DPYD: variants seen among roughly 807,000 people sequenced by gnomAD.
The protein encoded by DPYD is dihydropyrimidine dehydrogenase.
DPYD carries 109 observed loss-of-function variants against 116.2 expected under a neutral mutation model. The observed-to-expected ratio is 0.94, with a 90% CI of 0.80 to 1.10. The LOEUF (loss-of-function observed/expected upper bound fraction) is 1.10, where lower values mean the gene tolerates loss of function less well. Ranked by LOEUF, DPYD falls within the 50% of genes least tolerant of loss-of-function variation. The pLI is 0.00. For missense variants in DPYD, 1,302 were observed against 1,254.5 expected (o/e 1.04, Z -0.57); for synonymous variants, 440 against 432.0 (o/e 1.02, Z -0.23).
intron 14 of DPYD, among the ~76,000 whole-genome samples, chr1:97,391,028 A>G (rs1169268083): frequency 1.4e-5 from 2 of 147,686 alleles, no homozygotes; most frequent in African/African-American, 2.5e-5. Flanking sequence ...TGAGCTTTGG[A>G]GATACCACTT....
chr1:97,396,171 T>A (rs964019465), intron 14 of DPYD, among the ~76,000 whole-genome samples: 1 of 152,028 alleles, frequency 6.6e-6, no homozygotes, highest in Non-Finnish European at 1.5e-5. Flanking sequence ...GAATTTCACA[T>A]GACTTATCTC....
intron 21 of DPYD, among the ~76,000 whole-genome samples, chr1:97,084,862 T>A (rs1649404925): frequency 6.6e-6 from 1 of 152,226 alleles, no homozygotes. Flanking sequence ...GTATCTCATG[T>A]GGTGTATCCT....
At chr1:97,696,983 C>A (rs1661343531) in intron 6 of DPYD, among the ~76,000 whole-genome samples, 1 of 152,012 alleles carries the variant, frequency 6.6e-6, no homozygotes, top group South Asian at 2.1e-4. Context: ...ACTATCCTAA[C>A]AATAACATCA....
intron 8 of DPYD, among the ~76,000 whole-genome samples, chr1:97,605,974 T>C (rs921643605): frequency 3.3e-5 from 5 of 152,114 alleles, no homozygotes; most frequent in African/African-American, 2.4e-5. Context: ...TCAGTCCCAA[T>C]TGAAATTTCC....
chr1:97,525,821 G>A (rs552235043), intron 12 of DPYD, among the ~76,000 whole-genome samples: 3 of 146,254 alleles, frequency 2.1e-5, no homozygotes, highest in East Asian at 4.2e-4. Flanking sequence ...GTCTCTCCAA[G>A]AGCATCTAGT....
intron 14 of DPYD, among the ~76,000 whole-genome samples, chr1:97,432,676 T>A (rs7517433): frequency 6.6e-6 from 1 of 151,798 alleles, no homozygotes; most frequent in Non-Finnish European, 1.5e-5. Context: ...GAGTGCCAGA[T>A]GGTTTCTGTA....
intron 16 of DPYD, among the ~76,000 whole-genome samples, chr1:97,351,034 C>A (rs1448094799): frequency 6.6e-6 from 1 of 152,230 alleles, no homozygotes; most frequent in East Asian, 1.9e-4. Context: ...AACTTTGTAT[C>A]TCCTATTCAG....
At chr1:97,322,556 C>T (rs1422408087) in intron 16 of DPYD, among the ~76,000 whole-genome samples, 2 of 151,942 alleles carry the variant, frequency 1.3e-5, no homozygotes, top group Non-Finnish European at 2.9e-5. Flanking sequence ...AAATGAAATT[C>T]ATGGATACTG....
At chr1:97,600,126 T>C (rs1264712634) in intron 8 of DPYD, among the ~76,000 whole-genome samples, 1 of 152,106 alleles carries the variant, frequency 6.6e-6, no homozygotes, top group African/African-American at 2.4e-5. Flanking sequence ...TCTTATTATT[T>C]CACACAGGTG....
At chr1:97,162,620 GA>G (rs555153398) in intron 20 of DPYD, among the ~76,000 whole-genome samples, 4,248 of 151,792 alleles carry the variant, frequency 0.028, 154 homozygotes, top group African/African-American at 0.09. Flanking sequence ...CACAGAATTG[GA>G]AAAAACTACT....
At position 97,721,675 on chromosome 1, in the gene DPYD, C is replaced by A; in HGVS notation, c.322-4G>T. 1.2e-6 allele frequency: 2 copies of A among 1,610,210 alleles called. No homozygotes were observed. Among genetic ancestry groups the A allele is most frequent in the African/African-American group, 1.3e-5 (1 of 74,770 alleles). ...TCTTAGCAGCTCCATAATAGTTCTG[C>A]AAAATTAATACAAAATAAAATTTTA... On this transcript the variant is annotated splice_polypyrimidine_tract_variant and splice_region_variant and intron_variant, in intron 4 of 22. Transcript: ENST00000370192.
chr1:97,319,186 G>A lies in DPYD; in HGVS notation c.2059-12889C>T, dbSNP rs879846328. Among the ~76,000 whole-genome samples, 248 of 144,944 alleles carry A rather than the reference G, an allele frequency of 1.7e-3. 1 individual carries two copies. The highest frequency in any genetic ancestry group is 3.2e-3 in the Non-Finnish European group (208 of 65,998). On this transcript the variant is annotated intron_variant, in intron 16 of 22. Transcript: ENST00000370192. The stretch of plus-strand genomic sequence containing the variant: ...AATTAAAAGAACTAGAAAAGCAAGA[G>A]CAAACACATTCAAAAGCTAGCAGAA...
At chr1:97,122,495 C>T (rs1230904341) in intron 20 of DPYD, among the ~76,000 whole-genome samples, 3 of 152,144 alleles carry the variant, frequency 2.0e-5, no homozygotes. Flanking sequence ...GAGTCATACA[C>T]TTACATTTCA....
chr1:97,832,364 T>G (rs937916076), intron 2 of DPYD, among the ~76,000 whole-genome samples: 1 of 152,094 alleles, frequency 6.6e-6, no homozygotes, highest in Non-Finnish European at 1.5e-5. Context: ...GTGAATATAA[T>G]AAAGTTCTGA....
At chr1:97,130,493 G>A (rs1041590115) in intron 20 of DPYD, among the ~76,000 whole-genome samples, 3 of 152,080 alleles carry the variant, frequency 2.0e-5, no homozygotes, top group Non-Finnish European at 2.9e-5. Context: ...AGGCTGCTCA[G>A]AGTATTATTT....
At chr1:97,419,153 TC>T (rs1426649306) in intron 14 of DPYD, among the ~76,000 whole-genome samples, 1 of 152,148 alleles carries the variant, frequency 6.6e-6, no homozygotes, top group Non-Finnish European at 1.5e-5. Flanking sequence ...ATTCTTCATC[TC>T]CCTTCCCAAA....
chr1:97,910,960 T>C (rs1278607142), intron 1 of DPYD, among the ~76,000 whole-genome samples: 1 of 152,242 alleles, frequency 6.6e-6, no homozygotes, highest in Non-Finnish European at 1.5e-5. Flanking sequence ...AAATAATTTG[T>C]TTAAAATAAA....
At chr1:97,147,219 G>A (rs1425935163) in intron 20 of DPYD, among the ~76,000 whole-genome samples, 1 of 152,126 alleles carries the variant, frequency 6.6e-6, no homozygotes, top group Non-Finnish European at 1.5e-5. Flanking sequence ...ATGGGGGCAT[G>A]CTCGTAGTCC....
intron 3 of DPYD, among the ~76,000 whole-genome samples, chr1:97,755,458 T>TA (rs1483063368): frequency 6.6e-6 from 1 of 152,132 alleles, no homozygotes; most frequent in East Asian, 1.9e-4. Context: ...TAAACCTGCT[T>TA]CATGCAACTT....
Sources: allele counts gnomAD v4.1 joint callset (sites outside exome capture counted in the v4.1 genomes callset), GRCh38; gene constraint gnomAD v4.1.1; transcripts MANE v1.5; gene names NCBI Gene and HGNC (gene_info 2026-07-23, HGNC 2026-07-21).